The following OPCML variants were observed in gnomAD, a reference collection of about 807,000 sequenced individuals.
OPCML encodes opioid binding protein/cell adhesion molecule like.
Under a neutral mutation model 37.8 loss-of-function variants are expected in OPCML, and 13 were observed. That is an observed-to-expected ratio of 0.34 (90% confidence interval 0.22 to 0.55). The LOEUF is 0.55. Among genes scored for constraint, OPCML ranks in the 20% least tolerant of loss-of-function variants. OPCML has a pLI of 0.91. For missense variants in OPCML, 341 were observed against 435.6 expected, an observed-to-expected ratio of 0.78 and a Z score of 1.93; for synonymous variants, 176 against 168.8, an observed-to-expected ratio of 1.04 and a Z score of -0.33.
In OPCML at chr11:132,491,852, T is replaced by C. The variant is rs187508785; in HGVS notation, c.505+37209A>G. 2.0e-5 allele frequency among the ~76,000 whole-genome samples: 3 copies of C among 151,932 alleles called. No homozygotes were observed. In the East Asian group the frequency reaches 5.8e-4, roughly 29 times the overall value. On this transcript the variant is annotated intron_variant, in intron 4 of 7. Transcript: ENST00000524381. ...ACAGTAGGTGTTGGAAGACAAATTATGCAGTATAAAGGAAACTTGGAGATA... is the reference window on the plus strand; with the variant it reads ...ACAGTAGGTGTTGGAAGACAAATTACGCAGTATAAAGGAAACTTGGAGATA...
At chr11:132,714,849 C>A (rs1944408593) in intron 2 of OPCML, among the ~76,000 whole-genome samples, 1 of 152,092 alleles carries the variant, frequency 6.6e-6, no homozygotes, top group South Asian at 2.1e-4. Flanking sequence ...TATTTTATTC[C>A]AGCTAGGATG....
intron 1 of OPCML, among the ~76,000 whole-genome samples, chr11:133,152,166 C>CA (rs1949996131): frequency 6.6e-6 from 1 of 151,944 alleles, no homozygotes; most frequent in African/African-American, 2.4e-5. Flanking sequence ...AACCGCTGAA[C>CA]AAAAAAAGAG....
At chr11:132,802,818 A>T (rs957653203) in intron 2 of OPCML, among the ~76,000 whole-genome samples, 2 of 152,146 alleles carry the variant, frequency 1.3e-5, no homozygotes, top group African/African-American at 4.8e-5. Context: ...CTAGAAATGA[A>T]GTCTGATTTC....
intron 1 of OPCML, chr11:133,007,570 G>T: frequency 1.0e-6 from 1 of 985,428 alleles, no homozygotes; most frequent in Non-Finnish European, 1.2e-6. Flanking sequence ...AGCCTTCAGA[G>T]GTAAAACTTA....
chr11:132,624,100 A>C (rs911234554), intron 3 of OPCML, among the ~76,000 whole-genome samples: 1 of 152,228 alleles, frequency 6.6e-6, no homozygotes. Flanking sequence ...AAATATTTGC[A>C]ATTTAGTGTT....
At chr11:132,938,867 A>T (rs1945481001) in intron 2 of OPCML, among the ~76,000 whole-genome samples, 1 of 152,204 alleles carries the variant, frequency 6.6e-6, no homozygotes. Flanking sequence ...CTGGCTCCAC[A>T]TTAGAAATAC....
At chr11:132,507,598 A>AT (rs201000033) in intron 4 of OPCML, among the ~76,000 whole-genome samples, 269 of 149,906 alleles carry the variant, frequency 1.8e-3, no homozygotes, top group East Asian at 0.018. Context: ...AACAACAAAA[A>AT]TTTTTTTTAA....
intron 1 of OPCML, among the ~76,000 whole-genome samples, chr11:133,387,038 C>T (rs988801159): frequency 6.6e-6 from 1 of 152,356 alleles, no homozygotes. Context: ...CTGCCCCCAA[C>T]TCCGGTATTT....
chr11:133,074,445 A>T (rs1310039599), intron 1 of OPCML, among the ~76,000 whole-genome samples: 1 of 152,178 alleles, frequency 6.6e-6, no homozygotes, highest in Non-Finnish European at 1.5e-5. Context: ...CTCTGGTATT[A>T]GTTGATTACA....
intron 2 of OPCML, among the ~76,000 whole-genome samples, chr11:132,684,380 A>T (rs1450886791): frequency 6.6e-6 from 1 of 152,132 alleles, no homozygotes; most frequent in Non-Finnish European, 1.5e-5. Flanking sequence ...TAAGTGGGAG[A>T]GCTAGTTTTG....
chr11:132,692,015 A>G (rs1943422775), intron 2 of OPCML, among the ~76,000 whole-genome samples: 1 of 152,194 alleles, frequency 6.6e-6, no homozygotes, highest in Non-Finnish European at 1.5e-5. Context: ...ACGTGCTTCA[A>G]TCAGCTGGCT....
intron 1 of OPCML, among the ~76,000 whole-genome samples, chr11:133,347,379 G>A (rs1430084070): frequency 6.6e-6 from 1 of 152,110 alleles, no homozygotes; most frequent in African/African-American, 2.4e-5. Flanking sequence ...TTAACATGAT[G>A]GCATTGCCTT....
chr11:133,389,862 C>T (rs995036317), intron 1 of OPCML, among the ~76,000 whole-genome samples: 13 of 152,194 alleles, frequency 8.5e-5, no homozygotes, highest in African/African-American at 3.1e-4. Context: ...TACTAATTGA[C>T]AATGAAGAAG....
chr11:132,486,110 T>C (rs981776942), intron 4 of OPCML, among the ~76,000 whole-genome samples: 1 of 152,190 alleles, frequency 6.6e-6, no homozygotes, highest in Non-Finnish European at 1.5e-5. Context: ...AGGATTCCAA[T>C]TGCCTTAATA....
At chr11:133,335,823 C>T (rs756312177) in intron 1 of OPCML, among the ~76,000 whole-genome samples, 5 of 151,934 alleles carry the variant, frequency 3.3e-5, no homozygotes, top group African/African-American at 9.7e-5. Flanking sequence ...AAACTGATAA[C>T]CCGTTGAGGT....
intron 1 of OPCML, among the ~76,000 whole-genome samples, chr11:133,410,634 TAAAAAAAAAAAAAAAAAAAAAAA>T (rs71038527): frequency 0.035 from 1,628 of 47,044 alleles, 58 homozygotes; most frequent in African/African-American, 0.091. Flanking sequence ...AGAAAAAAAG[TAAAAAAAAAAAAAAAAAAAAAAA>T]AAAAAAAAAA....
intron 4 of OPCML, among the ~76,000 whole-genome samples, chr11:132,495,493 A>G (rs187214098): frequency 6.6e-6 from 1 of 152,216 alleles, no homozygotes; most frequent in Non-Finnish European, 1.5e-5. Context: ...ATAGCTTACC[A>G]TGATTTTAGT....
At chr11:132,494,600 G>C (rs532757029) in intron 4 of OPCML, among the ~76,000 whole-genome samples, 1 of 152,016 alleles carries the variant, frequency 6.6e-6, no homozygotes, top group African/African-American at 2.4e-5. Context: ...CAATTATAGT[G>C]TCTTCAGTCA....
intron 1 of OPCML, chr11:133,004,164 C>G: frequency 1.0e-6 from 1 of 985,408 alleles, no homozygotes; most frequent in African/African-American, 1.7e-5. Context: ...GAGTGGGTCT[C>G]ACTCCTCTGC....
Sources: gnomAD v4.1 joint callset for allele counts (sites outside exome capture counted in the v4.1 genomes callset) on GRCh38, gnomAD v4.1.1 for gene constraint, MANE v1.5 for transcripts, NCBI Gene and HGNC (gene_info 2026-07-23, HGNC 2026-07-21) for gene names.